Variants in MYO6 observed in about 807,000 individuals in gnomAD.
MYO6 encodes the protein myosin VI.
In MYO6, 74 loss-of-function variants were observed where a neutral mutation model predicts 178.7. That is an observed-to-expected ratio of 0.41 (90% CI 0.34 to 0.50). MYO6 has a LOEUF of 0.50. Among genes scored for constraint, MYO6 ranks in the 20% least tolerant of loss-of-function variants. The probability of loss-of-function intolerance (pLI) is 0.09; values close to 1 mark genes in which losing one functional copy is unlikely to be tolerated. For missense variants in MYO6, 1,330 were observed against 1,547.4 expected (o/e 0.86, Z 2.36); for synonymous variants, 477 against 504.6 (o/e 0.95, Z 0.73).
At chr6:75,794,599 C>A (rs1434258273) in intron 1 of MYO6, among the ~76,000 whole-genome samples, 2 of 151,268 alleles carry the variant, frequency 1.3e-5, no homozygotes, top group African/African-American at 4.9e-5. Context: ...CCCTATTGAG[C>A]ATGAAAGGAC....
intron 19 of MYO6, 119 bp from the exon 20 acceptor site, chr6:75,873,088 A>G: frequency 1.2e-6 from 1 of 822,220 alleles, no homozygotes; most frequent in Non-Finnish European, 2.0e-6. Flanking sequence ...TTCTTTAGTA[A>G]TTACTTTTAC....
chr6:75,750,789 A>G (rs934598925), intron 1 of MYO6, among the ~76,000 whole-genome samples: 1 of 151,646 alleles, frequency 6.6e-6, no homozygotes, highest in Non-Finnish European at 1.5e-5. Flanking sequence ...CATGTTGGCC[A>G]GGCTGGTCTC....
In MYO6 at chr6:75,914,419, T is replaced by A. The variant is rs1780999565; in HGVS notation, c.3658+138T>A. 7 of 910,374 alleles carry A rather than the reference T, an allele frequency of 7.7e-6. No homozygotes were observed. In the Admixed American group the frequency reaches 1.3e-4, roughly 17 times the overall value. The allele number at this position is 910,374 out of a possible 1,614,324, so 56.4% of individuals were successfully genotyped here. A position where few individuals can be genotyped will look rare whatever the true frequency, so the allele number is the denominator to read the frequency against. ...ATGGAGTCTTGCGGTTAAATCACAT[T>A]TCCAGTTCAGTGAGGATTAACTCAT... is the stretch of plus-strand genomic sequence containing the variant. On this transcript the variant is annotated intron_variant, in intron 34 of 34. Transcript: ENST00000369977.
chr6:75,888,448 C>G (rs192802882), intron 25 of MYO6, among the ~76,000 whole-genome samples: 1 of 151,628 alleles, frequency 6.6e-6, no homozygotes, highest in Non-Finnish European at 1.5e-5. Flanking sequence ...AAACCTGTCT[C>G]CACCAAAAAT....
chr6:75,836,287 A>G (rs2150233653), intron 7 of MYO6, among the ~76,000 whole-genome samples: 1 of 152,344 alleles, frequency 6.6e-6, no homozygotes, highest in African/African-American at 2.4e-5. Flanking sequence ...TGTTTTGTGT[A>G]AAGGAAAGAG....
intron 1 of MYO6, among the ~76,000 whole-genome samples, chr6:75,750,865 C>T (rs549356909): frequency 6.6e-6 from 1 of 152,132 alleles, no homozygotes; most frequent in Non-Finnish European, 1.5e-5. Flanking sequence ...CAGGCTTGAG[C>T]CCCCGCGCCT....
rs990786371 is a variant in MYO6 at position 75,918,238 on chromosome 6, A to G, written c.*3226A>G. The G allele has an allele frequency of 6.6e-6, 1 of 152,238 alleles. No homozygotes were observed. Among genetic ancestry groups the G allele is most frequent in the Non-Finnish European group, 1.5e-5 (1 of 68,044 alleles). 9.4% of individuals were successfully genotyped at this position (152,238 alleles called of 1,614,324 possible). On this transcript the variant is annotated 3_prime_UTR_variant, in exon 35 of 35. Transcript: ENST00000369977. ...TTGAGAGTTTTAAAATTTCTCCCAGAAGATAAACTAACAAGGATGGAAGGG... is the reference window on the plus strand; with the variant it reads ...TTGAGAGTTTTAAAATTTCTCCCAGGAGATAAACTAACAAGGATGGAAGGG...
chr6:75,779,992 A>G (rs1766792697), intron 1 of MYO6, among the ~76,000 whole-genome samples: 1 of 152,146 alleles, frequency 6.6e-6, no homozygotes, highest in Non-Finnish European at 1.5e-5. Context: ...GCTGAAAACA[A>G]ATTCTCTCTG....
intron 1 of MYO6, among the ~76,000 whole-genome samples, chr6:75,780,654 C>G (rs1450108628): frequency 6.6e-6 from 1 of 152,006 alleles, no homozygotes; most frequent in Non-Finnish European, 1.5e-5. Context: ...CTATGTTTAG[C>G]CATTTGGGTT....
At chr6:75,891,096 G>A in intron 26 of MYO6, 132 bp from the exon 27 acceptor site, 1 of 560,922 alleles carries the variant, frequency 1.8e-6, no homozygotes, top group South Asian at 1.9e-5. Context: ...ATAAGTTGAT[G>A]TATGTGGCCA....
intron 2 of MYO6, among the ~76,000 whole-genome samples, chr6:75,820,580 A>T (rs1771768017): frequency 6.6e-6 from 1 of 152,110 alleles, no homozygotes; most frequent in Non-Finnish European, 1.5e-5. Context: ...CATGTTGGCC[A>T]GGTTTTTCTC....
Position 75,841,253 on chromosome 6 carries a change from G to A in MYO6, c.691G>A (p.Glu231Lys), listed in dbSNP as rs1398320166. 5 of 1,613,800 alleles carry A rather than the reference G, an allele frequency of 3.1e-6. No individual in the cohort carries two copies. In the African/African-American group the frequency reaches 6.7e-5, roughly 22 times the overall value. ...VGGFVSHYLL[E>K]KSRICVQGKE... ...AGGATTTGTTTCACATTATCTCCTA[G>A]AGAAATCTAGGATCTGTGTTCAAGG... The change falls in exon 9 of 35, where the codon GAG (glutamate) becomes AAG (lysine). Residue 231 changes from glutamate (E) to lysine (K), a missense_variant. By Grantham distance (56) the Glu-to-Lys change is moderately conservative. Coordinates refer to ENST00000369977, the MANE Select transcript of MYO6 (RefSeq NM_004999.4).
At chr6:75,804,658 C>T (rs1769823836) in intron 1 of MYO6, among the ~76,000 whole-genome samples, 1 of 152,068 alleles carries the variant, frequency 6.6e-6, no homozygotes, top group Admixed American at 6.6e-5. Context: ...ATACCCCCAA[C>T]ACCTGGCAGT....
intron 23 of MYO6, among the ~76,000 whole-genome samples, chr6:75,884,284 C>T (rs1032872311): frequency 6.6e-6 from 1 of 152,200 alleles, no homozygotes; most frequent in Non-Finnish European, 1.5e-5. Context: ...TCAGAGGCTT[C>T]ACTCAGTATG....
chr6:75,846,407 T>C (rs1241574071), intron 10 of MYO6, among the ~76,000 whole-genome samples: 1 of 152,076 alleles, frequency 6.6e-6, no homozygotes, highest in South Asian at 2.1e-4. Flanking sequence ...ATGAGATGAT[T>C]TATATTTTTA....
chr6:75,849,770 G>A (rs563374053), intron 11 of MYO6, among the ~76,000 whole-genome samples: 1 of 152,274 alleles, frequency 6.6e-6, no homozygotes, highest in Admixed American at 6.5e-5. Flanking sequence ...AGAAACAAAG[G>A]CAGTAAATTA....
chr6:75,780,708 A>G (rs1037277889), intron 1 of MYO6, among the ~76,000 whole-genome samples: 4 of 152,188 alleles, frequency 2.6e-5, no homozygotes, highest in African/African-American at 9.7e-5. Context: ...ACAAATATTT[A>G]ATAATTCCCT....
At chr6:75,821,624 TACAC>T in intron 2 of MYO6, among the ~76,000 whole-genome samples, 1 of 151,008 alleles carries the variant, frequency 6.6e-6, no homozygotes, top group Middle Eastern at 3.4e-3. Context: ...GTTGTAGCTT[TACAC>T]ACACACACAC....
At chr6:75,892,469 G>C (rs1255198837) in intron 27 of MYO6, 61 bp from the exon 28 acceptor site, 10 of 1,597,120 alleles carry the variant, frequency 6.3e-6, no homozygotes, top group African/African-American at 1.3e-5. Context: ...TAAGTAATAA[G>C]GGGAGTGATC....
Sources: gnomAD v4.1 joint callset for allele counts (sites outside exome capture counted in the v4.1 genomes callset) on GRCh38, gnomAD v4.1.1 for gene constraint, MANE v1.5 for transcripts, NCBI Gene and HGNC (gene_info 2026-07-23, HGNC 2026-07-21) for gene names.